Variants in ADGRV1 observed in about 807,000 individuals in gnomAD.
ADGRV1 encodes the protein adhesion G protein-coupled receptor V1.
In ADGRV1, 359 loss-of-function variants were observed where a neutral mutation model predicts 596.2. The ratio of observed to expected loss-of-function variants is 0.60; its 90% CI spans 0.55 to 0.66. The LOEUF is 0.66. Ranked by LOEUF, ADGRV1 falls within the 30% of genes least tolerant of loss-of-function variation. ADGRV1 has a pLI of 0.00. For missense variants in ADGRV1, 7,274 were observed against 7,575.6 expected, an observed-to-expected ratio of 0.96 and a Z score of 1.48; for synonymous variants, 2,681 against 2,679.2, an observed-to-expected ratio of 1.00 and a Z score of -0.02.
chr5:90,596,951 C>A (rs1760764893), intron 1 of ADGRV1, among the ~76,000 whole-genome samples: 1 of 152,084 alleles, frequency 6.6e-6, no homozygotes, highest in African/African-American at 2.4e-5. Flanking sequence ...GGTGGGTGGT[C>A]TTTTTAGTTA....
At chr5:91,079,122 A>G (rs1302645836) in intron 86 of ADGRV1, among the ~76,000 whole-genome samples, 1 of 152,190 alleles carries the variant, frequency 6.6e-6, no homozygotes, top group Non-Finnish European at 1.5e-5. Context: ...ATCCAGAATG[A>G]CCAACATTAC....
intron 21 of ADGRV1, among the ~76,000 whole-genome samples, chr5:90,670,574 A>T (rs1772315266): frequency 6.6e-6 from 1 of 152,186 alleles, no homozygotes. Flanking sequence ...AATCAGAGTG[A>T]GGCTCTGTTG....
intron 86 of ADGRV1, among the ~76,000 whole-genome samples, chr5:91,094,230 C>T (rs562375657): frequency 3.3e-5 from 5 of 151,850 alleles, no homozygotes; most frequent in African/African-American, 7.2e-5. Flanking sequence ...GAGACTGAGG[C>T]GGGCGGATCA....
At chr5:90,705,301 C>T in intron 36 of ADGRV1, 99 bp from the exon 37 acceptor site, 1 of 943,774 alleles carries the variant, frequency 1.1e-6, no homozygotes. Context: ...GTAAATAGAA[C>T]ACTTTTGATT....
intron 84 of ADGRV1, among the ~76,000 whole-genome samples, chr5:90,979,930 A>G (rs1273910098): frequency 3.3e-5 from 5 of 152,220 alleles, no homozygotes; most frequent in Non-Finnish European, 5.9e-5. Context: ...TATAACATCT[A>G]TATAACTTAT....
intron 85 of ADGRV1, among the ~76,000 whole-genome samples, chr5:91,002,281 G>A (rs1781913547): frequency 6.6e-6 from 1 of 152,062 alleles, no homozygotes; most frequent in Non-Finnish European, 1.5e-5. Flanking sequence ...AGACGTCAAA[G>A]TATTGTGAGT....
At chr5:90,806,786 T>C (rs778604492) in intron 72 of ADGRV1, among the ~76,000 whole-genome samples, 23 of 152,202 alleles carry the variant, frequency 1.5e-4, no homozygotes, top group Non-Finnish European at 2.9e-4. Flanking sequence ...GTAATAAATT[T>C]TCAAACACAA....
intron 50 of ADGRV1, among the ~76,000 whole-genome samples, 188 bp from the exon 51 acceptor site, chr5:90,744,858 C>G (rs1754427363): frequency 6.6e-6 from 1 of 152,166 alleles, no homozygotes; most frequent in South Asian, 2.1e-4. Flanking sequence ...CTGGCTTGAT[C>G]ATTCTAAAGC....
At position 90,692,723 on chromosome 5, in the gene ADGRV1, T is replaced by A; in HGVS notation, c.7070T>A (p.Met2357Lys). Reference sequence around the variant, plus strand: ...TATGGTACAGTAGCCTTTGCTCAGATGGTTTATCGTGTTCAAGAGCCTCTG... The same window carrying A: ...TATGGTACAGTAGCCTTTGCTCAGAAGGTTTATCGTGTTCAAGAGCCTCTG... ...DPYGTVAFAQ[M>K]VYRVQEPLER... The change falls in exon 32 of 90, where the codon ATG (methionine) becomes AAG (lysine). Residue 2357 changes from methionine to lysine, a missense_variant. Transcript: ENST00000405460. 6.2e-7 allele frequency: 1 copy of A among 1,609,652 alleles called. No homozygotes were observed.
intron 76 of ADGRV1, among the ~76,000 whole-genome samples, chr5:90,827,123 A>T (rs552737256): frequency 6.6e-6 from 1 of 152,226 alleles, no homozygotes; most frequent in Non-Finnish European, 1.5e-5. Context: ...TGGTTTTTCT[A>T]TTGCTGAATA....
intron 83 of ADGRV1, among the ~76,000 whole-genome samples, chr5:90,893,171 T>A (rs1770984432): frequency 6.6e-6 from 1 of 152,172 alleles, no homozygotes; most frequent in Admixed American, 6.6e-5. Flanking sequence ...AGATAGTCTG[T>A]TTCCAAGATG....
intron 86 of ADGRV1, among the ~76,000 whole-genome samples, chr5:91,093,846 CGTAAG>C (rs945057319): frequency 3.4e-4 from 51 of 148,816 alleles, no homozygotes; most frequent in African/African-American, 1.2e-3. Context: ...TGTATACATA[CGTAAG>C]TTTTTTTTTT....
At chr5:90,803,482 A>T (rs116477962) in intron 71 of ADGRV1, among the ~76,000 whole-genome samples, 1 of 152,166 alleles carries the variant, frequency 6.6e-6, no homozygotes, top group Non-Finnish European at 1.5e-5. Context: ...GTTTGAAGCC[A>T]TTGTGTGATA....
At chr5:90,766,035 G>A (rs1021280005) in intron 59 of ADGRV1, among the ~76,000 whole-genome samples, 20 of 151,916 alleles carry the variant, frequency 1.3e-4, no homozygotes, top group Admixed American at 7.9e-4. Flanking sequence ...TCAGCCTCCC[G>A]AGTAGCTGGG....
chr5:90,569,819 G>A (rs145081704), intron 1 of ADGRV1, among the ~76,000 whole-genome samples: 25 of 151,732 alleles, frequency 1.6e-4, no homozygotes, highest in African/African-American at 2.7e-4. Flanking sequence ...TTTCAATAGC[G>A]TGCAATAATT....
At chr5:90,934,860 C>T (rs1581566259) in intron 83 of ADGRV1, among the ~76,000 whole-genome samples, 1 of 152,190 alleles carries the variant, frequency 6.6e-6, no homozygotes, top group Non-Finnish European at 1.5e-5. Flanking sequence ...CTCACATGAC[C>T]TCTTCTGTCT....
chr5:91,137,123 C>CCTTTTCTTTTATCCTTTTTT (rs1562265505), intron 87 of ADGRV1, among the ~76,000 whole-genome samples: 1 of 151,848 alleles, frequency 6.6e-6, no homozygotes, highest in Non-Finnish European at 1.5e-5. Context: ...TCTTGTTTTC[C>CCTTTTCTTTTATCCTTTTTT]CTTTTCTTTT....
rs1269932166 is a variant in ADGRV1 at position 90,953,260 on chromosome 5, T to C, written c.17857-12155T>C. On this transcript the variant is annotated intron_variant, in intron 83 of 89. Coordinates refer to ENST00000405460, the MANE Select transcript of ADGRV1 (RefSeq NM_032119.4). ...TTGTCATTGGTTAGCTGTCAGACCT[T>C]TGTTACCTTTGCTATCACACAGGGA... Among the ~76,000 whole-genome samples, 12 of 152,298 alleles carry C rather than the reference T, an allele frequency of 7.9e-5. No individual in the cohort carries two copies. In the East Asian group the frequency reaches 1.3e-3, roughly 17 times the overall value.
At chr5:90,938,302 G>A (rs1775885208) in intron 83 of ADGRV1, among the ~76,000 whole-genome samples, 1 of 152,132 alleles carries the variant, frequency 6.6e-6, no homozygotes, top group Non-Finnish European at 1.5e-5. Context: ...TGGTACTCAT[G>A]GCTCTGAAAA....
Sources: allele counts gnomAD v4.1 joint callset (sites outside exome capture counted in the v4.1 genomes callset), GRCh38; gene constraint gnomAD v4.1.1; transcripts MANE v1.5; gene names NCBI Gene and HGNC (gene_info 2026-07-23, HGNC 2026-07-21).